The following SETDB2 variants were observed in gnomAD, a reference collection of about 807,000 sequenced individuals.
The protein encoded by SETDB2 is histone-lysine N-methyltransferase SETDB2.
Under a neutral mutation model 82.5 loss-of-function variants are expected in SETDB2, and 56 were observed. The observed-to-expected ratio is 0.68, with a 90% CI of 0.55 to 0.85. The LOEUF is 0.85. Among genes scored for constraint, SETDB2 ranks in the 40% least tolerant of loss-of-function variants. The pLI, the probability that SETDB2 is intolerant of heterozygous loss-of-function variation, is 0.00. For synonymous variants in SETDB2, 272 were observed against 284.9 expected (o/e 0.95, Z 0.46); for missense variants, 677 against 816.4 (o/e 0.83, Z 2.08).
At chr13:49,487,145 G>A (rs1468907195) in intron 11 of SETDB2, among the ~76,000 whole-genome samples, 3 of 152,018 alleles carry the variant, frequency 2.0e-5, no homozygotes, top group Non-Finnish European at 2.9e-5. Context: ...TGGCTTACAC[G>A]TAACCCATGA....
At chr13:49,456,619 T>C (rs1194176135) in intron 2 of SETDB2, among the ~76,000 whole-genome samples, 2 of 152,110 alleles carry the variant, frequency 1.3e-5, no homozygotes, top group African/African-American at 2.4e-5. Context: ...TACCGAAATA[T>C]TTAGTTTTAG....
chr13:49,460,945 C>A, intron 3 of SETDB2, 152 bp from the exon 4 acceptor site: 1 of 496,220 alleles, frequency 2.0e-6, no homozygotes, highest in Non-Finnish European at 3.6e-6. Context: ...AACCTCTGAG[C>A]CTCAGTTTCT....
At chr13:49,446,189 A>G (rs1443146652) in intron 1 of SETDB2, among the ~76,000 whole-genome samples, 1 of 152,212 alleles carries the variant, frequency 6.6e-6, no homozygotes, top group African/African-American at 2.4e-5. Context: ...ATTTATATAT[A>G]CTTAATTTTT....
chr13:49,473,681 T>C (rs1958295886), intron 5 of SETDB2, among the ~76,000 whole-genome samples: 2 of 152,172 alleles, frequency 1.3e-5, no homozygotes, highest in African/African-American at 4.8e-5. Context: ...CAGAACAGTT[T>C]ACTATCTCTA....
At chr13:49,483,609 A>C (rs1013172195) in intron 10 of SETDB2, 46 bp downstream of exon 10, 2 of 218,438 alleles carry the variant, frequency 9.2e-6, no homozygotes, top group East Asian at 3.3e-4. Context: ...TCTTTTTTAA[A>C]TTTTTTTTTT....
At chr13:49,481,518 T>C (rs1958476686) in intron 8 of SETDB2, among the ~76,000 whole-genome samples, 1 of 152,248 alleles carries the variant, frequency 6.6e-6, no homozygotes, top group East Asian at 1.9e-4. Context: ...TGAGCTATTA[T>C]TAGAATTTAA....
At chr13:49,467,576 A>G (rs1363411687) in intron 4 of SETDB2, among the ~76,000 whole-genome samples, 1 of 152,198 alleles carries the variant, frequency 6.6e-6, no homozygotes, top group East Asian at 1.9e-4. Flanking sequence ...AGAAGTAGGG[A>G]TACTCAATGT....
At chr13:49,466,473 T>C (rs1415180143) in intron 4 of SETDB2, among the ~76,000 whole-genome samples, 3 of 150,326 alleles carry the variant, frequency 2.0e-5, no homozygotes, top group Non-Finnish European at 4.4e-5. Context: ...CTAGTTAATG[T>C]GTAACATCTC....
chr13:49,491,003 A>C, intron 13 of SETDB2, 93 bp downstream of exon 13: 1 of 1,029,466 alleles, frequency 9.7e-7, no homozygotes, highest in Non-Finnish European at 1.4e-6. Context: ...CTGTAATCCC[A>C]GCACTTTGGG....
chr13:49,483,610 T>A (rs1213296923), intron 10 of SETDB2, 47 bp downstream of exon 10: 12 of 22,958 alleles, frequency 5.2e-4, no homozygotes, highest in Admixed American at 1.1e-3. Context: ...CTTTTTTAAA[T>A]TTTTTTTTTT....
In SETDB2 at chr13:49,483,496, A is replaced by G. The variant is rs773803781; in HGVS notation, c.1415A>G (p.Gln472Arg). 3 of 1,448,414 alleles carry G rather than the reference A, an allele frequency of 2.1e-6. No individual in the cohort carries two copies. Among genetic ancestry groups the G allele is most frequent in the Admixed American group, 4.7e-5 (2 of 42,506 alleles). 89.7% of individuals were successfully genotyped at this position (1,448,414 alleles called of 1,614,324 possible). Residue 472 changes from glutamine (Q) to arginine (R), a missense_variant, in exon 10 of 14, where the codon CAA (glutamine) becomes CGA (arginine). Gln to Arg is a conservative substitution (Grantham distance 43, BLOSUM62 1). Coordinates refer to ENST00000611815, the MANE Select transcript of SETDB2 (RefSeq NM_001160308.3). ...AAATATGATAATATTTCAAGAATTCAATATCATTCAGTTATTAGAGATCCT... is the reference window on the plus strand; with the variant it reads ...AAATATGATAATATTTCAAGAATTCGATATCATTCAGTTATTAGAGATCCT... ...ETKYDNISRI[Q>R]YHSVIRDPES...
Position 49,476,906 on chromosome 13 carries a change from T to A in SETDB2, c.736T>A (p.Cys246Ser). The change falls in exon 6 of 14, where the codon TGT becomes AGT. Residue 246 changes from cysteine to serine, a missense_variant. Cys to Ser is a moderately radical substitution (Grantham distance 112). This residue lies in a region of SETDB2 where 420 missense variants were observed against 554.6 expected (regional missense o/e 0.76). Coordinates refer to ENST00000611815, the MANE Select transcript of SETDB2 (RefSeq NM_001160308.3). ...AGTGGAATCAGTGCCCATTTCTTTC[T>A]GTAATGAAATTGACAGTAGAAAGCT... ...NGVESVPISFCNEIDSRKLPQ... is the reference protein window; with the variant it reads ...NGVESVPISFSNEIDSRKLPQ... The A allele has an allele frequency of 1.2e-6, 2 of 1,614,216 alleles. No homozygotes were observed. Among genetic ancestry groups the A allele is most frequent in the Non-Finnish European group, 1.7e-6 (2 of 1,180,042 alleles).
intron 1 of SETDB2, among the ~76,000 whole-genome samples, chr13:49,446,968 C>T (rs897108390): frequency 2.0e-5 from 3 of 152,168 alleles, no homozygotes; most frequent in Non-Finnish European, 2.9e-5. Flanking sequence ...AATACCTCTA[C>T]TAATTTACAT....
rs1176876911 is a variant in SETDB2, at chr13:49,494,001, G to C, written c.*2152G>C. ...ACTAATGATTTCCCATCTCTTCACT[G>C]TTTCTGGAATTCCTGTTTTCCAGAT... On this transcript the variant is annotated 3_prime_UTR_variant, in exon 14 of 14. Coordinates refer to ENST00000611815, the MANE Select transcript of SETDB2 (RefSeq NM_001160308.3). 1 of 152,082 alleles carries C rather than the reference G, an allele frequency of 6.6e-6. No individual in the cohort carries two copies. Among genetic ancestry groups the C allele is most frequent in the Non-Finnish European group, 1.5e-5 (1 of 68,014 alleles). 9.4% of individuals were successfully genotyped at this position (152,082 alleles called of 1,614,324 possible).
chr13:49,488,732 C>A, intron 12 of SETDB2, 102 bp downstream of exon 12: 1 of 968,594 alleles, frequency 1.0e-6, no homozygotes, highest in Non-Finnish European at 1.5e-6. Flanking sequence ...GTCAGACCAT[C>A]TGGTTAGAAT....
intron 12 of SETDB2, among the ~76,000 whole-genome samples, chr13:49,490,000 C>T (rs1179129492): frequency 3.6e-5 from 5 of 138,612 alleles, no homozygotes; most frequent in African/African-American, 1.3e-4. Context: ...TTGGGCCAGG[C>T]GTGATGTGAC....
At chr13:49,449,800 T>C (rs1356208519) in intron 1 of SETDB2, among the ~76,000 whole-genome samples, 1 of 152,234 alleles carries the variant, frequency 6.6e-6, no homozygotes, top group Non-Finnish European at 1.5e-5. Context: ...AAATTCAGTT[T>C]ACATTTAACA....
At chr13:49,484,052 T>C (rs774778908) in intron 10 of SETDB2, among the ~76,000 whole-genome samples, 5 of 152,206 alleles carry the variant, frequency 3.3e-5, no homozygotes, top group Non-Finnish European at 5.9e-5. Flanking sequence ...GCTAGGACCA[T>C]GTTCTGTTTA....
intron 6 of SETDB2, 112 bp downstream of exon 6, chr13:49,477,151 T>A: frequency 9.7e-7 from 1 of 1,033,868 alleles, no homozygotes; most frequent in Non-Finnish European, 1.4e-6. Context: ...AGAGTTACAG[T>A]AAGACTGGGC....
Sources: allele counts gnomAD v4.1 joint callset (sites outside exome capture counted in the v4.1 genomes callset), GRCh38; gene constraint gnomAD v4.1.1; regional missense constraint gnomAD v4.1.1; transcripts MANE v1.5; gene names NCBI Gene and HGNC (gene_info 2026-07-23, HGNC 2026-07-21).